The following ARHGAP6 variants were observed in gnomAD, a reference collection of about 807,000 sequenced individuals.
The protein encoded by ARHGAP6 is rho GTPase-activating protein 6.
A neutral mutation model predicts 55.7 loss-of-function variants in ARHGAP6; 16 were observed. The observed-to-expected ratio is 0.29, with a 90% CI of 0.19 to 0.44. The LOEUF (loss-of-function observed/expected upper bound fraction) is 0.44, where lower values mean the gene tolerates loss of function less well. Among genes scored for constraint, ARHGAP6 ranks in the 20% least tolerant of loss-of-function variants. The pLI is 1.00. For synonymous variants in ARHGAP6, 382 were observed against 360.9 expected (o/e 1.06, Z -0.66); for missense variants, 698 against 808.9 (o/e 0.86, Z 1.66).
intron 1 of ARHGAP6, among the ~76,000 whole-genome samples, chrX:11,564,342 TA>T (rs2051419686): frequency 9.0e-6 from 1 of 111,035 alleles, no homozygotes; most frequent in Non-Finnish European, 1.9e-5. Flanking sequence ...CAAATTTCCT[TA>T]AAAAAAGATT....
intron 1 of ARHGAP6, among the ~76,000 whole-genome samples, chrX:11,489,255 C>T (rs780899836): frequency 8.9e-6 from 1 of 112,007 alleles, no homozygotes; most frequent in South Asian, 3.7e-4. Flanking sequence ...AGAAGAGAAG[C>T]TCTGAATAGC....
intron 8 of ARHGAP6, among the ~76,000 whole-genome samples, chrX:11,175,507 G>C (rs932942499): frequency 6.3e-5 from 7 of 111,712 alleles, no homozygotes; most frequent in African/African-American, 2.3e-4. Context: ...ACTCTTCAAG[G>C]CTGGTTGAAG....
chrX:11,161,617 C>A (rs1024776774), intron 9 of ARHGAP6, among the ~76,000 whole-genome samples: 1 of 110,669 alleles, frequency 9.0e-6, no homozygotes, highest in South Asian at 3.8e-4. Flanking sequence ...AATAGATTAC[C>A]AATTGCAAAG....
intron 1 of ARHGAP6, among the ~76,000 whole-genome samples, chrX:11,265,445 A>C (rs1477558264): frequency 1.8e-5 from 2 of 111,947 alleles, no homozygotes; most frequent in African/African-American, 6.5e-5. Context: ...CTGTTCTGTT[A>C]ATCATGACAC....
chrX:11,298,205 C>G, intron 1 of ARHGAP6: 1 of 1,210,465 alleles, frequency 8.3e-7, no homozygotes, highest in Non-Finnish European at 1.1e-6. Context: ...TAAATTAAAT[C>G]AAATGGGTTC....
At chrX:11,601,729 G>C (rs1008999851) in intron 1 of ARHGAP6, among the ~76,000 whole-genome samples, 1 of 111,615 alleles carries the variant, frequency 9.0e-6, no homozygotes, top group Non-Finnish European at 1.9e-5. Context: ...CTAGAGACAT[G>C]CAGTGGTGAA....
intron 1 of ARHGAP6, among the ~76,000 whole-genome samples, chrX:11,336,613 C>A (rs1288335886): frequency 2.7e-5 from 3 of 112,054 alleles, no homozygotes; most frequent in African/African-American, 6.5e-5. Context: ...AGAAGGCCTT[C>A]CAATGTCCAC....
chrX:11,573,602 T>C (rs2051557552), intron 1 of ARHGAP6, among the ~76,000 whole-genome samples: 1 of 110,789 alleles, frequency 9.0e-6, no homozygotes, highest in Non-Finnish European at 1.9e-5. Context: ...TGTAGTATAG[T>C]TTGAAGTCAG....
At chrX:11,589,649 C>T (rs2051781132) in intron 1 of ARHGAP6, among the ~76,000 whole-genome samples, 1 of 110,732 alleles carries the variant, frequency 9.0e-6, no homozygotes, top group South Asian at 3.9e-4. Context: ...TGCTGAAATG[C>T]TGAGTCCAAA....
At chrX:11,396,516 A>AT (rs1287025469) in intron 1 of ARHGAP6, among the ~76,000 whole-genome samples, 2 of 111,342 alleles carry the variant, frequency 1.8e-5, no homozygotes, top group African/African-American at 6.5e-5. Flanking sequence ...TGATCAACAT[A>AT]TTTTTTCCAA....
At chrX:11,361,031 A>C (rs1338993415) in intron 1 of ARHGAP6, among the ~76,000 whole-genome samples, 1 of 111,261 alleles carries the variant, frequency 9.0e-6, no homozygotes, top group Non-Finnish European at 1.9e-5. Context: ...AGAACATTCC[A>C]TGCTCATGGG....
At chrX:11,524,473 C>T (rs1469722473) in intron 1 of ARHGAP6, among the ~76,000 whole-genome samples, 1 of 112,077 alleles carries the variant, frequency 8.9e-6, no homozygotes, top group Non-Finnish European at 1.9e-5. Context: ...CACAACCCCA[C>T]CCTGGTCTAG....
chrX:11,139,171 T>C lies in ARHGAP6; in HGVS notation c.2617A>G (p.Ser873Gly). 8.3e-7 allele frequency: 1 copy of C among 1,204,831 alleles called. No homozygotes were observed. The highest frequency in any genetic ancestry group is 1.1e-6 in the Non-Finnish European group (1 of 893,233). Residue 873 changes from serine to glycine, a missense_variant, in exon 13 of 13, where the codon AGT becomes GGT. This residue lies in a region of ARHGAP6 where 212 missense variants were observed against 208.7 expected (regional missense o/e 1.02). Coordinates refer to ENST00000337414, the MANE Select transcript of ARHGAP6 (RefSeq NM_013427.3). ...GGGGGCCGCTTGTCATCCCTCCCAC[T>C]CCCATGGGGTCTTTGGCACTGAGGT... ...ATPQCQRPHG[S>G]GRDDKRPPPP...
chrX:11,596,252 G>A (rs2051901073), intron 1 of ARHGAP6, among the ~76,000 whole-genome samples: 1 of 111,956 alleles, frequency 8.9e-6, no homozygotes, highest in Non-Finnish European at 1.9e-5. Context: ...ATAAAAAAAC[G>A]ATGAGTTCAT....
intron 1 of ARHGAP6, among the ~76,000 whole-genome samples, chrX:11,362,917 AAC>A: frequency 8.9e-6 from 1 of 111,894 alleles, no homozygotes; most frequent in African/African-American, 3.2e-5. Context: ...ACTGTCCACA[AAC>A]ACAGAATGTT....
intron 1 of ARHGAP6, among the ~76,000 whole-genome samples, chrX:11,557,640 G>A (rs190422974): frequency 8.9e-5 from 10 of 111,953 alleles, no homozygotes; most frequent in Admixed American, 4.7e-4. Flanking sequence ...TGGGTCTTGC[G>A]ATTCATCCCA....
intron 2 of ARHGAP6, among the ~76,000 whole-genome samples, chrX:11,250,025 C>A (rs772469972): frequency 5.4e-5 from 6 of 111,754 alleles, no homozygotes; most frequent in African/African-American, 1.9e-4. Context: ...AATAACCCAT[C>A]TTTTTCCCTT....
chrX:11,495,624 T>A (rs944553260), intron 1 of ARHGAP6, among the ~76,000 whole-genome samples: 1 of 111,002 alleles, frequency 9.0e-6, no homozygotes, highest in South Asian at 3.8e-4. Context: ...TCCAGGTTTA[T>A]GTCTGTGGCA....
chrX:11,363,084 C>G (rs1291539023), intron 1 of ARHGAP6, among the ~76,000 whole-genome samples: 3 of 111,905 alleles, frequency 2.7e-5, no homozygotes, highest in Non-Finnish European at 5.6e-5. Context: ...ATTTTTCCAA[C>G]AGCATCATTT....
Sources: allele counts gnomAD v4.1 joint callset (sites outside exome capture counted in the v4.1 genomes callset), GRCh38; gene constraint gnomAD v4.1.1; regional missense constraint gnomAD v4.1.1; transcripts MANE v1.5; gene names NCBI Gene and HGNC (gene_info 2026-07-23, HGNC 2026-07-21).